Variants in NRG3 observed in about 807,000 individuals in gnomAD.
NRG3 encodes the protein neuregulin 3.
A neutral mutation model predicts 66.9 loss-of-function variants in NRG3; 31 were observed. That is an observed-to-expected ratio of 0.46 (90% CI 0.35 to 0.63). The LOEUF (loss-of-function observed/expected upper bound fraction) is 0.63, where lower values mean the gene tolerates loss of function less well. Ranked by LOEUF, NRG3 falls within the 20% of genes least tolerant of loss-of-function variation. The pLI is 0.00. For synonymous variants in NRG3, 393 were observed against 359.4 expected (o/e 1.09, Z -1.06); for missense variants, 910 against 878.9 (o/e 1.04, Z -0.45).
chr10:82,215,838 A>G (rs1471595361), intron 1 of NRG3, among the ~76,000 whole-genome samples: 4 of 152,112 alleles, frequency 2.6e-5, no homozygotes, highest in Non-Finnish European at 5.9e-5. Context: ...TCAGCCCTTT[A>G]TAAATAGTTA....
At chr10:81,981,442 G>A (rs955410057) in intron 1 of NRG3, among the ~76,000 whole-genome samples, 2 of 152,138 alleles carry the variant, frequency 1.3e-5, no homozygotes, top group Non-Finnish European at 2.9e-5. Flanking sequence ...AATGCCCTGC[G>A]CTCCAGGCCC....
At chr10:82,344,718 A>G (rs2082891660) in intron 1 of NRG3, among the ~76,000 whole-genome samples, 1 of 124,072 alleles carries the variant, frequency 8.1e-6, no homozygotes, top group Non-Finnish European at 1.6e-5. Flanking sequence ...CATCCTCTCC[A>G]GCACCTGTTG....
chr10:82,836,130 A>C (rs77220747), intron 3 of NRG3, among the ~76,000 whole-genome samples: 1,590 of 152,296 alleles, frequency 0.01, 35 homozygotes, highest in African/African-American at 0.037. Context: ...AAAAAGTTGT[A>C]TTAGAATATG....
intron 1 of NRG3, among the ~76,000 whole-genome samples, chr10:81,898,047 C>A (rs141081412): frequency 6.6e-6 from 1 of 152,230 alleles, no homozygotes; most frequent in Non-Finnish European, 1.5e-5. Context: ...TTATAAAGTT[C>A]CCCAGGTTAT....
In NRG3 at chr10:82,370,079, A is replaced by G. The variant is rs1056760009; in HGVS notation, c.953+11211A>G. 2.8e-4 allele frequency among the ~76,000 whole-genome samples: 39 copies of G among 138,876 alleles called. 10 individuals carry two copies. The highest frequency in any genetic ancestry group is 1.3e-3 in the African/African-American group (39 of 30,166). 91.1% of individuals were successfully genotyped at this position (138,876 alleles called of 152,430 possible). Reference sequence around the variant, plus strand: ...GTTACAAAGCTCTTTCAGTTTTGCCATCTGCAGATGGCTTGAGTGTTAATC... The same window carrying G: ...GTTACAAAGCTCTTTCAGTTTTGCCGTCTGCAGATGGCTTGAGTGTTAATC... On this transcript the variant is annotated intron_variant, in intron 2 of 8. Coordinates refer to ENST00000372141, the MANE Select transcript of NRG3 (RefSeq NM_001010848.4).
chr10:82,925,385 T>C, intron 4 of NRG3, among the ~76,000 whole-genome samples: 1 of 152,252 alleles, frequency 6.6e-6, no homozygotes, highest in East Asian at 1.9e-4. Context: ...TGTGCCCTAA[T>C]CTTCTCAAGT....
chr10:82,618,221 G>T (rs962188857), intron 2 of NRG3, among the ~76,000 whole-genome samples: 4 of 152,132 alleles, frequency 2.6e-5, no homozygotes, highest in African/African-American at 9.7e-5. Flanking sequence ...TAGCCAGCCA[G>T]CCGGAGCTGT....
At chr10:81,896,063 A>C (rs948791037) in intron 1 of NRG3, among the ~76,000 whole-genome samples, 3 of 152,142 alleles carry the variant, frequency 2.0e-5, no homozygotes, top group African/African-American at 7.2e-5. Flanking sequence ...GGGGGGACAA[A>C]TTCAAGCTAG....
At position 82,358,802 on chromosome 10, in the gene NRG3, C is replaced by A. The variant is rs563266860; in HGVS notation, c.887C>A (p.Ala296Glu). Reference protein sequence around the residue: ...HFKPCRDKDLAYCLNDGECFV... With the variant: ...HFKPCRDKDLEYCLNDGECFV... ...AAACCCTGCCGAGACAAGGACCTTG[C>A]ATACTGTCTCAATGATGGCGAGTGC... is the stretch of plus-strand genomic sequence containing the variant. The change falls in exon 2 of 9, where the codon GCA becomes GAA. Residue 296 changes from alanine (A) to glutamate (E), a missense_variant. Coordinates refer to ENST00000372141, the MANE Select transcript of NRG3 (RefSeq NM_001010848.4). 1 of 1,614,152 alleles carries A rather than the reference C, an allele frequency of 6.2e-7. No homozygotes were observed. The highest frequency in any genetic ancestry group is 8.5e-7 in the Non-Finnish European group (1 of 1,180,040).
At chr10:82,513,089 A>C (rs980711590) in intron 2 of NRG3, among the ~76,000 whole-genome samples, 2 of 152,140 alleles carry the variant, frequency 1.3e-5, no homozygotes, top group Admixed American at 6.6e-5. Context: ...TTAGCTATCT[A>C]TCCTGATGCT....
chr10:82,958,918 A>G (rs1850340702), intron 5 of NRG3, 31 bp from the exon 6 acceptor site: 2 of 1,519,470 alleles, frequency 1.3e-6, no homozygotes, highest in Non-Finnish European at 1.8e-6. Context: ...AAGTCATGCA[A>G]ATATTTGTAC....
chr10:82,337,719 A>G (rs1158299357), intron 1 of NRG3, among the ~76,000 whole-genome samples: 1 of 152,176 alleles, frequency 6.6e-6, no homozygotes, highest in Non-Finnish European at 1.5e-5. Context: ...AACACTAACA[A>G]TTTTGGACAT....
chr10:82,059,792 AC>A lies in NRG3; in HGVS notation c.823+183632del, dbSNP rs542061864. On this transcript the variant is annotated intron_variant, in intron 1 of 8. Transcript: ENST00000372141. ...TTTATTCTGTCCCCTCCCCTGGGAG[AC>A]CCTTCTGCCTACATATCTTAAAGCC... Among the ~76,000 whole-genome samples, 9 of 151,940 alleles carry A rather than the reference AC, an allele frequency of 5.9e-5. No individual in the cohort carries two copies. The South Asian group carries it at 1.9e-3, about 32-fold the overall frequency.
intron 1 of NRG3, among the ~76,000 whole-genome samples, chr10:82,199,758 A>G (rs1232540703): frequency 6.6e-6 from 1 of 152,118 alleles, no homozygotes; most frequent in African/African-American, 2.4e-5. Flanking sequence ...AGCTATCTAC[A>G]CTTGGTGCCT....
At chr10:82,349,372 T>C (rs966944716) in intron 1 of NRG3, among the ~76,000 whole-genome samples, 2 of 151,730 alleles carry the variant, frequency 1.3e-5, no homozygotes, top group African/African-American at 4.8e-5. Flanking sequence ...CCAGTTAGGC[T>C]GCTCGGGGGT....
At chr10:82,121,240 A>G (rs11192604) in intron 1 of NRG3, among the ~76,000 whole-genome samples, 15,744 of 152,062 alleles carry the variant, frequency 0.1, 1,257 homozygotes, top group African/African-American at 0.21. Context: ...CATCATAATC[A>G]TCTTCTAACA....
At chr10:82,299,820 C>T (rs1429107505) in intron 1 of NRG3, among the ~76,000 whole-genome samples, 5 of 151,874 alleles carry the variant, frequency 3.3e-5, no homozygotes, top group Admixed American at 1.3e-4. Flanking sequence ...AAGGGAATTC[C>T]CCAATTCCAA....
At chr10:82,109,883 C>A (rs2067285974) in intron 1 of NRG3, among the ~76,000 whole-genome samples, 2 of 152,132 alleles carry the variant, frequency 1.3e-5, no homozygotes, top group African/African-American at 4.8e-5. Context: ...TGTAAGCAAT[C>A]AACTTGGCAC....
intron 1 of NRG3, among the ~76,000 whole-genome samples, chr10:82,344,971 T>G (rs2082913178): frequency 8.9e-6 from 1 of 112,834 alleles, no homozygotes; most frequent in Non-Finnish European, 1.6e-5. Flanking sequence ...TAGCCCTTTG[T>G]CAGATGAGTA....
Sources: allele counts gnomAD v4.1 joint callset (sites outside exome capture counted in the v4.1 genomes callset), GRCh38; gene constraint gnomAD v4.1.1; transcripts MANE v1.5; gene names NCBI Gene and HGNC (gene_info 2026-07-23, HGNC 2026-07-21).